ANAPC10: variants seen among roughly 807,000 people sequenced by gnomAD.
ANAPC10 encodes the protein anaphase-promoting complex subunit 10.
ANAPC10 carries 12 observed loss-of-function variants against 22.0 expected under a neutral mutation model. The observed-to-expected ratio is 0.55, with a 90% CI of 0.35 to 0.88. The LOEUF is 0.88. Ranked by LOEUF, ANAPC10 falls within the 40% of genes least tolerant of loss-of-function variation. ANAPC10 has a pLI of 0.01. For synonymous variants in ANAPC10, 65 were observed against 69.5 expected (o/e 0.94, Z 0.32); for missense variants, 188 against 220.9 (o/e 0.85, Z 0.94).
intron 4 of ANAPC10, among the ~76,000 whole-genome samples, chr4:145,008,733 T>C (rs1438866480): frequency 2.0e-5 from 3 of 152,168 alleles, no homozygotes. Flanking sequence ...GCCAATATCA[T>C]ACTGAATGGG....
intron 4 of ANAPC10, among the ~76,000 whole-genome samples, chr4:145,049,637 T>C (rs1186568002): frequency 6.6e-6 from 1 of 152,098 alleles, no homozygotes; most frequent in East Asian, 1.9e-4. Flanking sequence ...TGAAGTGCAA[T>C]GGCATGATCA....
intron 4 of ANAPC10, among the ~76,000 whole-genome samples, chr4:145,044,237 T>C (rs932856357): frequency 6.6e-6 from 1 of 152,060 alleles, no homozygotes; most frequent in Non-Finnish European, 1.5e-5. Context: ...GCAATGTGTT[T>C]GACAAAAATA....
intron 3 of ANAPC10, among the ~76,000 whole-genome samples, chr4:145,071,628 A>T (rs34113172): frequency 7.9e-5 from 12 of 152,314 alleles, no homozygotes; most frequent in Non-Finnish European, 4.4e-5. Context: ...AAATGTCTCA[A>T]GAAACTGGGA....
intron 2 of ANAPC10, among the ~76,000 whole-genome samples, chr4:145,087,655 T>C (rs1351664177): frequency 3.9e-5 from 6 of 152,238 alleles, no homozygotes; most frequent in Non-Finnish European, 2.9e-5. Flanking sequence ...TAGTTTCATG[T>C]AGCTAGTAGT....
chr4:145,011,656 G>C (rs2126925856), intron 4 of ANAPC10, among the ~76,000 whole-genome samples: 1 of 152,208 alleles, frequency 6.6e-6, no homozygotes, highest in Admixed American at 6.5e-5. Flanking sequence ...GTTGTTTCTT[G>C]AAGTCAGAGA....
At chr4:145,057,287 T>C (rs1367540958) in intron 4 of ANAPC10, among the ~76,000 whole-genome samples, 2 of 152,222 alleles carry the variant, frequency 1.3e-5, no homozygotes, top group Non-Finnish European at 2.9e-5. Context: ...TAGTTCAGAA[T>C]TGCATTAAGT....
At chr4:145,034,483 A>G (rs1001563609) in intron 4 of ANAPC10, among the ~76,000 whole-genome samples, 8 of 145,386 alleles carry the variant, frequency 5.5e-5, no homozygotes, top group Non-Finnish European at 1.0e-4. Flanking sequence ...CTATTGTGGG[A>G]CCTTGTGATT....
Position 145,052,340 on chromosome 4 carries a change from A to G in ANAPC10, c.327+12232T>C, listed in dbSNP as rs1045007288. ...TTTAGTCAGTCTACAATGTATAAAAATATCAAAACATCATTATAAGCACCA... is the reference window on the plus strand; with the variant it reads ...TTTAGTCAGTCTACAATGTATAAAAGTATCAAAACATCATTATAAGCACCA... On this transcript the variant is annotated intron_variant, in intron 4 of 4. Coordinates refer to ENST00000507656, the MANE Select transcript of ANAPC10 (RefSeq NM_001256706.2). Among the ~76,000 whole-genome samples the G allele has an allele frequency of 9.2e-5, 14 of 152,334 alleles. No homozygotes were observed. The South Asian group carries it at 1.5e-3, about 16-fold the overall frequency.
At chr4:145,091,221 G>A (rs1362076934) in intron 2 of ANAPC10, among the ~76,000 whole-genome samples, 2 of 152,118 alleles carry the variant, frequency 1.3e-5, no homozygotes, top group South Asian at 2.1e-4. Context: ...AGAGCAGTGG[G>A]GCATTTTCAG....
chr4:145,066,336 C>G lies in ANAPC10; in HGVS notation c.207-1644G>C, dbSNP rs1203089525. On this transcript the variant is annotated intron_variant, in intron 3 of 4. Coordinates refer to ENST00000507656, the MANE Select transcript of ANAPC10 (RefSeq NM_001256706.2). Reference sequence around the variant, plus strand: ...AGGTATCAAACTGACATCTTTCTCTCTGCTGAGCCAGAAAGGAGACAGGAG... The same window carrying G: ...AGGTATCAAACTGACATCTTTCTCTGTGCTGAGCCAGAAAGGAGACAGGAG... Among the ~76,000 whole-genome samples the G allele has an allele frequency of 2.0e-5, 3 of 152,102 alleles. No individual in the cohort carries two copies. In the East Asian group the frequency reaches 5.8e-4, roughly 29 times the overall value.
At chr4:145,010,494 TA>T (rs1553963266) in intron 4 of ANAPC10, among the ~76,000 whole-genome samples, 2 of 152,208 alleles carry the variant, frequency 1.3e-5, no homozygotes, top group South Asian at 4.1e-4. Context: ...TATGCAGCCA[TA>T]AAAAAGGATG....
At chr4:145,009,685 A>G (rs1259884390) in intron 4 of ANAPC10, among the ~76,000 whole-genome samples, 1 of 152,204 alleles carries the variant, frequency 6.6e-6, no homozygotes, top group African/African-American at 2.4e-5. Context: ...GATGGATTAA[A>G]GACTTAAATG....
At position 145,039,299 on chromosome 4, in the gene ANAPC10, G is replaced by C. The variant is rs150792356; in HGVS notation, c.327+25273C>G. On this transcript the variant is annotated intron_variant, in intron 4 of 4. Transcript: ENST00000507656. ...TGCAAGGTTATCGCAATCCTATGTA[G>C]GTAATGAATAAGATGCACAATTCTG... Among the ~76,000 whole-genome samples the C allele has an allele frequency of 7.5e-4, 114 of 152,278 alleles. 1 individual carries two copies. The East Asian group carries it at 0.015, about 20-fold the overall frequency.
intron 4 of ANAPC10, among the ~76,000 whole-genome samples, chr4:145,025,854 G>T (rs1164670924): frequency 1.3e-5 from 2 of 152,096 alleles, no homozygotes; most frequent in Non-Finnish European, 2.9e-5. Flanking sequence ...TGTAGTGTAA[G>T]GAATAGTTAA....
chr4:145,013,563 A>G (rs1467996305), intron 4 of ANAPC10, among the ~76,000 whole-genome samples: 1 of 152,146 alleles, frequency 6.6e-6, no homozygotes, highest in East Asian at 1.9e-4. Flanking sequence ...ATAATCAGAG[A>G]CTTCATCATG....
intron 4 of ANAPC10, among the ~76,000 whole-genome samples, chr4:145,003,691 T>C (rs976350736): frequency 6.6e-6 from 1 of 152,182 alleles, no homozygotes; most frequent in South Asian, 2.1e-4. Context: ...TTCTGTTCCA[T>C]TGGTGTATGT....
At position 145,092,229 on chromosome 4, in the gene ANAPC10, T is replaced by C. The variant is rs117724429; in HGVS notation, c.115+3756A>G. 3.2e-4 allele frequency among the ~76,000 whole-genome samples: 48 copies of C among 152,276 alleles called. 1 individual carries two copies. The East Asian group carries it at 8.3e-3, about 26-fold the overall frequency. On this transcript the variant is annotated intron_variant, in intron 2 of 4. Transcript: ENST00000507656. ...TAATGCATGCTGGGCTTAATACTTA[T>C]GTGATAAGTTGATAGGTGCAGCAAA...
At chr4:145,054,744 A>G (rs1279347902) in intron 4 of ANAPC10, among the ~76,000 whole-genome samples, 2 of 151,550 alleles carry the variant, frequency 1.3e-5, no homozygotes, top group African/African-American at 4.9e-5. Flanking sequence ...GGAACTCAGG[A>G]AAAAGTGGTC....
chr4:145,068,886 G>A (rs1250366352), intron 3 of ANAPC10, among the ~76,000 whole-genome samples: 1 of 152,208 alleles, frequency 6.6e-6, no homozygotes, highest in Non-Finnish European at 1.5e-5. Context: ...CTCCAGCCTG[G>A]TGACAGAGCG....
Sources: allele counts gnomAD v4.1 joint callset (sites outside exome capture counted in the v4.1 genomes callset), GRCh38; gene constraint gnomAD v4.1.1; transcripts MANE v1.5; gene names NCBI Gene and HGNC (gene_info 2026-07-23, HGNC 2026-07-21).